Variants in IGSF10 observed in about 807,000 individuals in gnomAD.
The protein encoded by IGSF10 is calvaria mechanical force protein 608.
In IGSF10, 126 loss-of-function variants were observed where a neutral mutation model predicts 128.2. The observed-to-expected ratio is 0.98, with a 90% CI of 0.85 to 1.14. The LOEUF (loss-of-function observed/expected upper bound fraction) is 1.14. Ranked by LOEUF, IGSF10 falls within the 50% of genes most tolerant of loss-of-function variation. The probability of loss-of-function intolerance (pLI) is 0.00; values close to 1 mark genes in which losing one functional copy is unlikely to be tolerated. For missense variants in IGSF10, 3,295 were observed against 3,149.8 expected, an observed-to-expected ratio of 1.05 and a Z score of -1.10; for synonymous variants, 1,185 against 1,146.2, an observed-to-expected ratio of 1.03 and a Z score of -0.68.
the IGSF10 span, among the ~76,000 whole-genome samples, chr3:151,486,400 A>C: frequency 7.9e-5 from 12 of 152,184 alleles, no homozygotes; most frequent in Non-Finnish European, 1.8e-4. Context: ...TGTCAATATT[A>C]GATTAATGGG....
At position 151,458,580 on chromosome 3, in the gene IGSF10, T is replaced by C. The variant is rs1560183472; in HGVS notation, c.130A>G (p.Thr44Ala). ...GGGATGGAAGTCAGGTACCGAAATG[T>C]GCAGTGTACCTCCGTAGGCATATAA... ...ACYMPTEVHC[T>A]FRYLTSIPDS... The change falls in exon 3 of 8, where the codon ACA (threonine) becomes GCA (alanine). Residue 44 changes from threonine to alanine, a missense_variant. By Grantham distance (58) the Thr-to-Ala change is moderately conservative. Coordinates refer to ENST00000282466, the MANE Select transcript of IGSF10 (RefSeq NM_178822.5). The C allele has an allele frequency of 6.2e-7, 1 of 1,614,144 alleles. No homozygotes were observed. Among genetic ancestry groups the C allele is most frequent in the Non-Finnish European group, 8.5e-7 (1 of 1,180,008 alleles).
the IGSF10 span, among the ~76,000 whole-genome samples, chr3:151,568,454 A>G: frequency 6.6e-6 from 1 of 152,148 alleles, no homozygotes; most frequent in Admixed American, 6.6e-5. Context: ...GGACACTACT[A>G]GATAGTGTTT....
the IGSF10 span, among the ~76,000 whole-genome samples, chr3:151,551,619 A>T: frequency 5.3e-5 from 8 of 151,940 alleles, no homozygotes; most frequent in African/African-American, 1.9e-4. Context: ...AATTTTCAAG[A>T]TATAAAATTT....
At chr3:151,532,735 A>C in the IGSF10 span, among the ~76,000 whole-genome samples, 2 of 152,148 alleles carry the variant, frequency 1.3e-5, no homozygotes, top group Non-Finnish European at 2.9e-5. Flanking sequence ...ATGGGCAAAA[A>C]CTGGAAGCAT....
At chr3:151,484,711 T>A in the IGSF10 span, among the ~76,000 whole-genome samples, 5 of 136,384 alleles carry the variant, frequency 3.7e-5, no homozygotes, top group African/African-American at 1.4e-4. Context: ...AAGAGGGGCC[T>A]GTTAGAAGGA....
chr3:151,573,155 G>T, the IGSF10 span, among the ~76,000 whole-genome samples: 1 of 152,066 alleles, frequency 6.6e-6, no homozygotes, highest in Non-Finnish European at 1.5e-5. Context: ...CCAACTATGT[G>T]GTCAATTTTG....
At chr3:151,492,039 C>A in the IGSF10 span, among the ~76,000 whole-genome samples, 3 of 151,818 alleles carry the variant, frequency 2.0e-5, no homozygotes, top group African/African-American at 7.3e-5. Flanking sequence ...CTCCTGCACA[C>A]CAAAGGAAAC....
intron 6 of IGSF10, 43 bp from the exon 7 acceptor site, chr3:151,443,927 T>A: frequency 1.4e-6 from 2 of 1,459,896 alleles, no homozygotes; most frequent in Non-Finnish European, 1.9e-6. Flanking sequence ...GTCATCAAAG[T>A]TTATTTAGAA....
In IGSF10 at chr3:151,443,663, T is replaced by G. The variant is rs781582867; in HGVS notation, c.5284A>C (p.Thr1762Pro). Residue 1762 changes from threonine (T) to proline (P), a missense_variant, in exon 7 of 8, where the codon ACT becomes CCT. Thr to Pro is a conservative substitution (Grantham distance 38). Coordinates refer to ENST00000282466, the MANE Select transcript of IGSF10 (RefSeq NM_178822.5). Reference protein sequence around the residue: ...TKEITVHSGSTVELKCRAEGR... With the variant: ...TKEITVHSGSPVELKCRAEGR... ...TCTGCTCTGCACTTCAGTTCCACAG[T>G]GCTTCCGGAATGAACTGTGATCTCT... 1 of 1,614,202 alleles carries G rather than the reference T, an allele frequency of 6.2e-7. No individual in the cohort carries two copies. The highest frequency in any genetic ancestry group is 1.1e-5 in the South Asian group (1 of 91,082).
chr3:151,479,810 A>G, the IGSF10 span, among the ~76,000 whole-genome samples: 2 of 152,232 alleles, frequency 1.3e-5, no homozygotes, highest in African/African-American at 4.8e-5. Context: ...AATATGGAAT[A>G]TAATTTATAT....
chr3:151,519,083 T>C, the IGSF10 span, among the ~76,000 whole-genome samples: 1 of 151,982 alleles, frequency 6.6e-6, no homozygotes, highest in African/African-American at 2.4e-5. Flanking sequence ...TCACAGAATA[T>C]GTATGATTGT....
chr3:151,561,747 G>A, the IGSF10 span, among the ~76,000 whole-genome samples: 7 of 152,046 alleles, frequency 4.6e-5, no homozygotes, highest in African/African-American at 1.4e-4. Flanking sequence ...GTGGGGAGAG[G>A]TATACATATC....
At chr3:151,588,654 G>C in the IGSF10 span, among the ~76,000 whole-genome samples, 2 of 152,172 alleles carry the variant, frequency 1.3e-5, no homozygotes, top group African/African-American at 4.8e-5. Flanking sequence ...CTTTGCATTT[G>C]GTAAATATTA....
the IGSF10 span, among the ~76,000 whole-genome samples, chr3:151,595,000 G>C: frequency 6.6e-6 from 1 of 151,804 alleles, no homozygotes; most frequent in East Asian, 1.9e-4. Flanking sequence ...ATGACCACTA[G>C]GTATATGAAA....
At chr3:151,480,922 T>G in the IGSF10 span, among the ~76,000 whole-genome samples, 8 of 152,088 alleles carry the variant, frequency 5.3e-5, no homozygotes, top group Admixed American at 1.3e-4. Context: ...GAGAAATGTG[T>G]CTTCAGCCTC....
At chr3:151,485,540 G>A in the IGSF10 span, among the ~76,000 whole-genome samples, 2 of 152,098 alleles carry the variant, frequency 1.3e-5, no homozygotes, top group Non-Finnish European at 2.9e-5. Context: ...AATGTAAAGG[G>A]CAGCAAGATA....
chr3:151,614,000 A>T, the IGSF10 span, among the ~76,000 whole-genome samples: 1 of 152,262 alleles, frequency 6.6e-6, no homozygotes, highest in African/African-American at 2.4e-5. Flanking sequence ...CCCATCAAAA[A>T]GTGGGCAAAG....
At chr3:151,511,949 C>T in the IGSF10 span, among the ~76,000 whole-genome samples, 12 of 152,254 alleles carry the variant, frequency 7.9e-5, no homozygotes, top group Non-Finnish European at 1.2e-4. Context: ...TACAGGAGCA[C>T]CCAGATTCAT....
chr3:151,556,795 T>G, the IGSF10 span, among the ~76,000 whole-genome samples: 15 of 152,210 alleles, frequency 9.9e-5, no homozygotes, highest in East Asian at 2.9e-3. Flanking sequence ...GGAGGATAAG[T>G]TCCTGTTTTC....
Sources: gnomAD v4.1 joint callset for allele counts (sites outside exome capture counted in the v4.1 genomes callset) on GRCh38, gnomAD v4.1.1 for gene constraint, MANE v1.5 for transcripts, NCBI Gene and HGNC (gene_info 2026-07-23, HGNC 2026-07-21) for gene names.